The following SUPT3H variants were observed in gnomAD, a reference collection of about 807,000 sequenced individuals.
SUPT3H encodes transcription initiation protein SPT3 homolog.
SUPT3H carries 44 observed loss-of-function variants against 44.3 expected under a neutral mutation model. That is an observed-to-expected ratio of 0.99 (90% CI 0.78 to 1.28). The LOEUF is 1.28. SUPT3H is among the 50% of genes most tolerant of loss of function. The probability of loss-of-function intolerance (pLI) is 0.00; values close to 1 mark genes in which losing one functional copy is unlikely to be tolerated. For missense variants in SUPT3H, 380 were observed against 387.1 expected, an observed-to-expected ratio of 0.98 and a Z score of 0.15; for synonymous variants, 124 against 125.6, an observed-to-expected ratio of 0.99 and a Z score of 0.09.
intron 2 of SUPT3H, among the ~76,000 whole-genome samples, chr6:45,115,725 T>C (rs1800746386): frequency 6.6e-6 from 1 of 152,222 alleles, no homozygotes; most frequent in African/African-American, 2.4e-5. Context: ...ATGGTGGTGA[T>C]AATGGCAAAC....
chr6:45,175,827 C>T (rs2153609365), intron 2 of SUPT3H, among the ~76,000 whole-genome samples: 1 of 152,234 alleles, frequency 6.6e-6, no homozygotes, highest in East Asian at 1.9e-4. Flanking sequence ...AAACAGATAA[C>T]TCCATGATTC....
At chr6:45,007,074 T>C (rs1334309302) in intron 5 of SUPT3H, among the ~76,000 whole-genome samples, 12 of 152,162 alleles carry the variant, frequency 7.9e-5, no homozygotes, top group South Asian at 4.1e-4. Context: ...GGGTATAAAG[T>C]CCTTGGATTG....
intron 5 of SUPT3H, among the ~76,000 whole-genome samples, chr6:45,012,678 C>T (rs1562257562): frequency 1.3e-5 from 2 of 150,634 alleles, no homozygotes; most frequent in Non-Finnish European, 3.0e-5. Flanking sequence ...CTATTGTCTA[C>T]TTTTTTTTTG....
chr6:44,831,299 C>T (rs557448705), intron 10 of SUPT3H, among the ~76,000 whole-genome samples: 7 of 152,194 alleles, frequency 4.6e-5, no homozygotes, highest in African/African-American at 1.7e-4. Flanking sequence ...TGTTCTTTAC[C>T]ATGGGGCTTT....
At chr6:44,917,752 T>C (rs558345090) in intron 10 of SUPT3H, among the ~76,000 whole-genome samples, 18 of 152,330 alleles carry the variant, frequency 1.2e-4, no homozygotes, top group Non-Finnish European at 2.2e-4. Flanking sequence ...ACTACGATAC[T>C]GAGAGCTGTG....
intron 3 of SUPT3H, chr6:45,099,065 AC>A (rs1301493199): frequency 2.6e-6 from 1 of 378,316 alleles, no homozygotes; most frequent in East Asian, 7.7e-5. Context: ...ACCTGCCCCA[AC>A]ATGGTCCTCC....
intron 2 of SUPT3H, among the ~76,000 whole-genome samples, chr6:45,354,067 G>C (rs938718255): frequency 1.3e-5 from 2 of 151,678 alleles, no homozygotes; most frequent in African/African-American, 2.4e-5. Context: ...GGAGGGAGGT[G>C]CTCTCATAAC....
intron 5 of SUPT3H, among the ~76,000 whole-genome samples, chr6:45,008,148 A>AAT (rs1782979671): frequency 6.6e-6 from 1 of 152,056 alleles, no homozygotes; most frequent in African/African-American, 2.4e-5. Flanking sequence ...CTCATGTACA[A>AAT]ATTTTTATGT....
At chr6:45,353,674 A>G (rs1039980135) in intron 2 of SUPT3H, among the ~76,000 whole-genome samples, 1 of 152,138 alleles carries the variant, frequency 6.6e-6, no homozygotes, top group African/African-American at 2.4e-5. Flanking sequence ...GAAATGTAAG[A>G]AAGTGCATGA....
intron 6 of SUPT3H, among the ~76,000 whole-genome samples, chr6:44,978,191 T>C (rs1052761559): frequency 6.6e-6 from 1 of 152,200 alleles, no homozygotes; most frequent in African/African-American, 2.4e-5. Flanking sequence ...CTATATTATA[T>C]ATTTTCATAA....
intron 2 of SUPT3H, among the ~76,000 whole-genome samples, chr6:45,176,835 C>A (rs1320077067): frequency 6.6e-6 from 1 of 152,150 alleles, no homozygotes; most frequent in Non-Finnish European, 1.5e-5. Context: ...GCCAGGTACT[C>A]CAACAGACCT....
chr6:45,267,489 A>C (rs886753171), intron 2 of SUPT3H, among the ~76,000 whole-genome samples: 1 of 152,252 alleles, frequency 6.6e-6, no homozygotes, highest in Admixed American at 6.5e-5. Context: ...AGTAAACTGA[A>C]AGTTATTGAA....
chr6:45,152,474 C>A (rs1420948984), intron 2 of SUPT3H, among the ~76,000 whole-genome samples: 1 of 152,068 alleles, frequency 6.6e-6, no homozygotes, highest in African/African-American at 2.4e-5. Context: ...GTTTCCTCCA[C>A]AAAGCAGCTA....
At chr6:44,885,201 A>T (rs1202489830) in intron 10 of SUPT3H, among the ~76,000 whole-genome samples, 1 of 152,072 alleles carries the variant, frequency 6.6e-6, no homozygotes, top group Non-Finnish European at 1.5e-5. Flanking sequence ...ACAGACAAAC[A>T]AAAAGACAGC....
chr6:45,226,041 G>A, intron 2 of SUPT3H, among the ~76,000 whole-genome samples: 1 of 152,220 alleles, frequency 6.6e-6, no homozygotes, highest in Middle Eastern at 3.4e-3. Context: ...GCAATCCTCA[G>A]ATATGTAAGA....
intron 3 of SUPT3H, among the ~76,000 whole-genome samples, chr6:45,026,104 A>C (rs1425317583): frequency 6.6e-6 from 1 of 152,174 alleles, no homozygotes; most frequent in Non-Finnish European, 1.5e-5. Context: ...CGCCTGGCTT[A>C]AAATTATTTA....
At chr6:45,001,411 G>A (rs775481796) in intron 6 of SUPT3H, among the ~76,000 whole-genome samples, 43 of 152,096 alleles carry the variant, frequency 2.8e-4, no homozygotes, top group Non-Finnish European at 5.4e-4. Context: ...TAACTATCAC[G>A]ATGATGAACT....
At chr6:45,025,127 C>T (rs548863193) in intron 3 of SUPT3H, among the ~76,000 whole-genome samples, 2 of 152,252 alleles carry the variant, frequency 1.3e-5, no homozygotes, top group South Asian at 2.1e-4. Context: ...TACTTACTGC[C>T]GGTCTCTAAT....
chr6:45,322,897 G>A (rs9472463), intron 2 of SUPT3H: 22,922 of 1,612,464 alleles, frequency 0.014, 218 homozygotes, highest in Non-Finnish European at 0.016. Context: ...GTTGAAGAAC[G>A]TTGTTCCAAA....
Sources: gnomAD v4.1 joint callset for allele counts (sites outside exome capture counted in the v4.1 genomes callset) on GRCh38, gnomAD v4.1.1 for gene constraint, MANE v1.5 for transcripts, NCBI Gene and HGNC (gene_info 2026-07-23, HGNC 2026-07-21) for gene names.